The following BMPR2 variants were observed in gnomAD, a reference collection of about 807,000 sequenced individuals.
BMPR2 encodes bone morphogenetic protein receptor type-2.
In BMPR2, 29 loss-of-function variants were observed where a neutral mutation model predicts 100.8. The observed-to-expected ratio is 0.29, with a 90% CI of 0.21 to 0.39. The LOEUF is 0.39. Ranked by LOEUF, BMPR2 falls within the 10% of genes least tolerant of loss-of-function variation. BMPR2 has a pLI of 1.00. For missense variants in BMPR2, 1,011 were observed against 1,274.5 expected (o/e 0.79, Z 3.15); for synonymous variants, 382 against 442.3 (o/e 0.86, Z 1.71).
At chr2:202,544,869 A>G (rs1276675544) in intron 10 of BMPR2, among the ~76,000 whole-genome samples, 1 of 136,440 alleles carries the variant, frequency 7.3e-6, no homozygotes, top group Non-Finnish European at 1.5e-5. Flanking sequence ...TGCTTAAGCT[A>G]TTCTCCTTCT....
chr2:202,443,864 A>AT lies in BMPR2; in HGVS notation c.77-20937dup, dbSNP rs563310439. ...GCTCATTGACATCTTGTACCAGATA[A>AT]TTTTTTTTCCAGATAATTTCTGTGT... On this transcript the variant is annotated intron_variant, in intron 1 of 12. Transcript: ENST00000374580. Among the ~76,000 whole-genome samples, 482 of 150,114 alleles carry AT rather than the reference A, an allele frequency of 3.2e-3. 47 individuals are homozygous for AT. Among genetic ancestry groups the AT allele is most frequent in the African/African-American group, 0.012 (457 of 39,714 alleles).
intron 1 of BMPR2, among the ~76,000 whole-genome samples, chr2:202,461,984 G>A (rs1378556555): frequency 6.6e-6 from 1 of 151,732 alleles, no homozygotes; most frequent in Non-Finnish European, 1.5e-5. Context: ...TTACATATGT[G>A]TGTAGTATAC....
intron 12 of BMPR2, among the ~76,000 whole-genome samples, chr2:202,556,872 A>T (rs756412725): frequency 6.7e-6 from 1 of 149,412 alleles, no homozygotes; most frequent in African/African-American, 2.5e-5. Flanking sequence ...ATTACTTGAG[A>T]TCAGGAGTTC....
chr2:202,527,556 C>A (rs888942736), intron 7 of BMPR2, among the ~76,000 whole-genome samples: 1 of 148,676 alleles, frequency 6.7e-6, no homozygotes, highest in African/African-American at 2.5e-5. Context: ...GAGGCCGAGG[C>A]GGGTGGATCA....
At chr2:202,524,999 A>C (rs1010718813) in intron 7 of BMPR2, among the ~76,000 whole-genome samples, 1 of 152,180 alleles carries the variant, frequency 6.6e-6, no homozygotes, top group African/African-American at 2.4e-5. Context: ...TAAATAAAAG[A>C]AAAAAATGTT....
chr2:202,383,718 G>C (rs1300868680), intron 1 of BMPR2, among the ~76,000 whole-genome samples: 1 of 151,822 alleles, frequency 6.6e-6, no homozygotes, highest in Non-Finnish European at 1.5e-5. Flanking sequence ...ACGCGTGGTG[G>C]TGCATGCCTG....
chr2:202,564,573 C>T lies in BMPR2; in HGVS notation c.*4627C>T, dbSNP rs2105720004. On this transcript the variant is annotated 3_prime_UTR_variant, in exon 13 of 13. Transcript: ENST00000374580. ...CTGTGCAAACTTTACCCAAAACTAT[C>T]TTGCATGATTCCCTCCTAAATATAT... 6.6e-6 allele frequency: 1 copy of T among 152,344 alleles called. No homozygotes were observed. Among genetic ancestry groups the T allele is most frequent in the East Asian group, 1.9e-4 (1 of 5,192 alleles). 9.4% of individuals were successfully genotyped at this position (152,344 alleles called of 1,614,324 possible).
intron 9 of BMPR2, among the ~76,000 whole-genome samples, chr2:202,533,590 C>T (rs1688068296): frequency 6.6e-6 from 1 of 151,718 alleles, no homozygotes; most frequent in South Asian, 2.1e-4. Flanking sequence ...TTTGGGAGGC[C>T]AAGGCAGGCG....
intron 1 of BMPR2, 32 bp downstream of exon 1, chr2:202,377,582 C>CT (rs1391084355): frequency 3.1e-6 from 5 of 1,611,690 alleles, no homozygotes; most frequent in African/African-American, 1.3e-5. Context: ...GTCCCGGCCA[C>CT]TGCCCCTGCG....
chr2:202,470,786 A>G (rs937232165), intron 3 of BMPR2, among the ~76,000 whole-genome samples: 6 of 151,166 alleles, frequency 4.0e-5, no homozygotes, highest in Admixed American at 1.3e-4. Context: ...AAAAAAAAAA[A>G]AAAGAAAGTA....
chr2:202,406,310 C>A (rs910624385), intron 1 of BMPR2, among the ~76,000 whole-genome samples: 3 of 152,124 alleles, frequency 2.0e-5, no homozygotes, highest in African/African-American at 7.2e-5. Context: ...GTGAGCAACC[C>A]CCTCCAGTGA....
At chr2:202,460,096 A>C (rs1438199309) in intron 1 of BMPR2, among the ~76,000 whole-genome samples, 1 of 152,220 alleles carries the variant, frequency 6.6e-6, no homozygotes, top group Non-Finnish European at 1.5e-5. Flanking sequence ...TATTATCAAA[A>C]AGTCAAAAAA....
chr2:202,477,407 AGTTTCCTATGATATTTGTT>A (rs1692571130), intron 3 of BMPR2, among the ~76,000 whole-genome samples: 1 of 151,968 alleles, frequency 6.6e-6, no homozygotes, highest in Admixed American at 6.6e-5. Flanking sequence ...ATTGTTATTG[AGTTTCCTATGATATTTGTT>A]GTTTCCTATG....
intron 1 of BMPR2, among the ~76,000 whole-genome samples, chr2:202,429,103 G>A (rs138664340): frequency 3.9e-5 from 6 of 152,236 alleles, no homozygotes; most frequent in African/African-American, 1.4e-4. Context: ...CTCTGCTCCT[G>A]CCTTTATCAG....
intron 3 of BMPR2, among the ~76,000 whole-genome samples, chr2:202,501,995 A>G (rs1687405156): frequency 6.6e-6 from 1 of 152,240 alleles, no homozygotes; most frequent in Non-Finnish European, 1.5e-5. Flanking sequence ...AGGTTACACC[A>G]TAGTTAGTGA....
At chr2:202,483,372 TTTG>T (rs1485337689) in intron 3 of BMPR2, among the ~76,000 whole-genome samples, 4 of 151,968 alleles carry the variant, frequency 2.6e-5, no homozygotes, top group Non-Finnish European at 5.9e-5. Flanking sequence ...TTGGTTGGTT[TTTG>T]TTTTTTTGTT....
chr2:202,517,116 A>G (rs1341937472), intron 5 of BMPR2, among the ~76,000 whole-genome samples: 3 of 151,714 alleles, frequency 2.0e-5, no homozygotes, highest in African/African-American at 7.3e-5. Context: ...GCTACTCAGG[A>G]GGCTGAGGCA....
chr2:202,485,982 C>CT (rs941975003), intron 3 of BMPR2, among the ~76,000 whole-genome samples: 1 of 151,920 alleles, frequency 6.6e-6, no homozygotes, highest in East Asian at 1.9e-4. Flanking sequence ...AAAGAACTGC[C>CT]ATTGGCCTTT....
At chr2:202,426,024 A>C (rs1440400142) in intron 1 of BMPR2, among the ~76,000 whole-genome samples, 2 of 152,252 alleles carry the variant, frequency 1.3e-5, no homozygotes, top group African/African-American at 4.8e-5. Context: ...TAGGCAATTC[A>C]CAAAATAGGA....
Sources: allele counts gnomAD v4.1 joint callset (sites outside exome capture counted in the v4.1 genomes callset), GRCh38; gene constraint gnomAD v4.1.1; transcripts MANE v1.5; gene names NCBI Gene and HGNC (gene_info 2026-07-23, HGNC 2026-07-21).